The following SLC22A3 variants were observed in gnomAD, a reference collection of about 807,000 sequenced individuals.
The protein encoded by SLC22A3 is solute carrier family 22 member 3.
Under a neutral mutation model 59.1 loss-of-function variants are expected in SLC22A3, and 51 were observed. The ratio of observed to expected loss-of-function variants is 0.86; its 90% CI spans 0.69 to 1.09. The LOEUF (loss-of-function observed/expected upper bound fraction) is 1.09, where lower values mean the gene tolerates loss of function less well. Ranked by LOEUF, SLC22A3 falls within the 50% of genes least tolerant of loss-of-function variation. SLC22A3 has a pLI of 0.00. For synonymous variants in SLC22A3, 325 were observed against 292.0 expected (o/e 1.11, Z -1.15); for missense variants, 711 against 726.3 (o/e 0.98, Z 0.24).
chr6:160,438,067 C>G (rs918789790), intron 7 of SLC22A3, among the ~76,000 whole-genome samples: 6 of 152,096 alleles, frequency 3.9e-5, no homozygotes, highest in African/African-American at 1.4e-4. Context: ...GGGGGAGATG[C>G]TGAGAGCAGG....
chr6:160,352,609 A>T (rs900409614), intron 1 of SLC22A3, among the ~76,000 whole-genome samples: 19 of 152,160 alleles, frequency 1.2e-4, no homozygotes, highest in Non-Finnish European at 2.2e-4. Context: ...TCCTTTCCAG[A>T]TCATTTTGAC....
chr6:160,386,347 G>A (rs1390323519), intron 1 of SLC22A3, among the ~76,000 whole-genome samples: 1 of 152,266 alleles, frequency 6.6e-6, no homozygotes, highest in Non-Finnish European at 1.5e-5. Context: ...AAAGGTTGTG[G>A]CACTGCAGGG....
chr6:160,445,956 G>C (rs75602877), intron 9 of SLC22A3, among the ~76,000 whole-genome samples: 2 of 152,216 alleles, frequency 1.3e-5, no homozygotes, highest in East Asian at 3.9e-4. Flanking sequence ...GAAGCCACCT[G>C]GCAGTAGAGA....
At chr6:160,353,008 A>G (rs1466615083) in intron 1 of SLC22A3, among the ~76,000 whole-genome samples, 1 of 152,098 alleles carries the variant, frequency 6.6e-6, no homozygotes, top group Non-Finnish European at 1.5e-5. Context: ...TTTAGTAGAG[A>G]CAGGGTTTCA....
At chr6:160,443,188 T>C (rs1397989825) in intron 8 of SLC22A3, among the ~76,000 whole-genome samples, 1 of 152,256 alleles carries the variant, frequency 6.6e-6, no homozygotes, top group Admixed American at 6.5e-5. Flanking sequence ...TCCATCAGCA[T>C]CACCTGCTGC....
chr6:160,437,200 TCTTAC>T lies in SLC22A3; in HGVS notation c.1279_1283del (p.Leu427ArgfsTer23). On this transcript the variant is annotated frameshift_variant, in exon 7 of 11. Transcript: ENST00000275300. LOFTEE classifies it high-confidence loss of function. ...GGGGTGGCATGCCTTGTCACTGCGT[TCTTAC>T]CAGAAGGTAATCTTACCCCACATCT... 6.2e-7 allele frequency: 1 copy of T among 1,614,120 alleles called. No individual in the cohort carries two copies. Among genetic ancestry groups the T allele is most frequent in the Non-Finnish European group, 8.5e-7 (1 of 1,179,954 alleles).
intron 7 of SLC22A3, 137 bp downstream of exon 7, chr6:160,437,348 C>A: frequency 1.1e-6 from 1 of 884,198 alleles, no homozygotes; most frequent in Non-Finnish European, 1.8e-6. Context: ...CCATTTTCTG[C>A]TTAATCAGCA....
Position 160,386,658 on chromosome 6 carries a change from T to C in SLC22A3, c.430-11321T>C, listed in dbSNP as rs377078145. On this transcript the variant is annotated intron_variant, in intron 1 of 10. Transcript: ENST00000275300. ...TCCCCACAGAGCCCTCCAGATCCCA[T>C]GCATAGAGCAGCTGCTGCCACCAGC... Among the ~76,000 whole-genome samples the C allele has an allele frequency of 2.0e-5, 3 of 152,116 alleles. No individual in the cohort carries two copies. The South Asian group carries it at 6.2e-4, about 31-fold the overall frequency.
intron 1 of SLC22A3, among the ~76,000 whole-genome samples, chr6:160,394,439 A>G (rs1270993867): frequency 2.6e-5 from 4 of 152,214 alleles, no homozygotes; most frequent in African/African-American, 9.6e-5. Context: ...GCAAGCTGAG[A>G]GCTGATTAGG....
chr6:160,420,311 C>T (rs1331471781), intron 5 of SLC22A3, among the ~76,000 whole-genome samples: 1 of 152,190 alleles, frequency 6.6e-6, no homozygotes, highest in Non-Finnish European at 1.5e-5. Flanking sequence ...CAGCATTTTG[C>T]ACAAGGAACT....
chr6:160,385,112 C>T (rs1029456074), intron 1 of SLC22A3, among the ~76,000 whole-genome samples: 1 of 152,218 alleles, frequency 6.6e-6, no homozygotes, highest in Non-Finnish European at 1.5e-5. Context: ...ATTAATTGCT[C>T]TCATTTTGTC....
At chr6:160,447,920 A>C (rs372739088) in intron 10 of SLC22A3, 102 bp downstream of exon 10, 4 of 930,616 alleles carry the variant, frequency 4.3e-6, no homozygotes. Flanking sequence ...GAAAAAAATA[A>C]GAATAAATCC....
intron 5 of SLC22A3, among the ~76,000 whole-genome samples, chr6:160,434,209 A>G (rs1788256661): frequency 6.6e-6 from 1 of 152,244 alleles, no homozygotes; most frequent in Non-Finnish European, 1.5e-5. Context: ...TTTAAAATCT[A>G]AATTATCTAG....
rs1702908 is a variant in SLC22A3 at position 160,397,249 on chromosome 6, C to T, written c.430-730C>T. On this transcript the variant is annotated intron_variant, in intron 1 of 10. Coordinates refer to ENST00000275300, the MANE Select transcript of SLC22A3 (RefSeq NM_021977.4). ...GCGCAACCGAGATTTCATGCGCCGC[C>T]CACAATAGGGTTCACGCTCCTATGA... is the stretch of plus-strand genomic sequence containing the variant. Among the ~76,000 whole-genome samples the T allele has an allele frequency of 5.2e-3, 796 of 152,156 alleles. 11 individuals carry two copies. The East Asian group carries it at 0.062, about 12-fold the overall frequency.
At chr6:160,437,277 A>G (rs1030466077) in intron 7 of SLC22A3, 66 bp downstream of exon 7, 30 of 1,469,006 alleles carry the variant, frequency 2.0e-5, no homozygotes, top group African/African-American at 4.1e-5. Flanking sequence ...ACAATCAAGT[A>G]TAGGGAGCCA....
At position 160,398,167 on chromosome 6, in the gene SLC22A3, A is replaced by C. The variant is rs1456732547; in HGVS notation, c.533+85A>C. 2.9e-6 allele frequency: 3 copies of C among 1,029,614 alleles called. No homozygotes were observed. In the African/African-American group the frequency reaches 4.7e-5, roughly 16 times the overall value. The allele number at this position is 1,029,614 out of a possible 1,614,324, so 63.8% of individuals were successfully genotyped here. A position where few individuals can be genotyped will look rare whatever the true frequency, so the allele number is the denominator to read the frequency against. On this transcript the variant is annotated intron_variant, in intron 2 of 10. Coordinates refer to ENST00000275300, the MANE Select transcript of SLC22A3 (RefSeq NM_021977.4). Reference sequence around the variant, plus strand: ...GAAAAATGTTTTATGTTAACTATTAAAACAATATTTTTGCTAAATTCGCAA... The same window carrying C: ...GAAAAATGTTTTATGTTAACTATTACAACAATATTTTTGCTAAATTCGCAA...
chr6:160,426,539 G>T (rs117446263), intron 5 of SLC22A3, among the ~76,000 whole-genome samples: 3 of 152,202 alleles, frequency 2.0e-5, no homozygotes, highest in Non-Finnish European at 2.9e-5. Flanking sequence ...ATGAAGTGGA[G>T]TGTGCTGTGT....
chr6:160,387,181 C>A (rs1388784171), intron 1 of SLC22A3, among the ~76,000 whole-genome samples: 2 of 152,204 alleles, frequency 1.3e-5, no homozygotes, highest in African/African-American at 4.8e-5. Context: ...GCATGCAGAG[C>A]CAGGAAAACC....
At chr6:160,418,728 C>T (rs1787609576) in intron 5 of SLC22A3, among the ~76,000 whole-genome samples, 1 of 152,144 alleles carries the variant, frequency 6.6e-6, no homozygotes, top group African/African-American at 2.4e-5. Context: ...TCCTCTGCCC[C>T]CAACTGCCCA....
Sources: gnomAD v4.1 joint callset for allele counts (sites outside exome capture counted in the v4.1 genomes callset) on GRCh38, gnomAD v4.1.1 for gene constraint, MANE v1.5 for transcripts, NCBI Gene and HGNC (gene_info 2026-07-23, HGNC 2026-07-21) for gene names.